The following GPR180 variants were observed in gnomAD, a reference collection of about 807,000 sequenced individuals.
GPR180 encodes the protein integral membrane protein GPR180.
A neutral mutation model predicts 52.6 loss-of-function variants in GPR180; 53 were observed. The ratio of observed to expected loss-of-function variants is 1.01; its 90% confidence interval spans 0.81 to 1.27. The LOEUF is 1.27. GPR180 is among the 50% of genes most tolerant of loss of function. GPR180 has a pLI of 0.00. For missense variants in GPR180, 533 were observed against 527.0 expected (o/e 1.01, Z -0.11); for synonymous variants, 200 against 193.1 (o/e 1.04, Z -0.30).
rs1810978180 is a variant in GPR180, at chr13:94,619,289, A to G, written c.645A>G (p.Leu215=). 5.0e-6 allele frequency: 8 copies of G among 1,614,044 alleles called. No individual in the cohort carries two copies. The highest frequency in any genetic ancestry group is 1.3e-5 in the African/African-American group (1 of 74,936). ...AGGTTCTGACAACTGCATTGCTGTT[A>G]CAAGCTGGTTCAGCTTTAGCTAATT... ...ILKVLTTALL[L]QAGSALANYI... Residue 215 remains leucine, a synonymous_variant, in exon 4 of 9, where the codon TTA becomes TTG. Transcript: ENST00000376958.
In GPR180 at chr13:94,619,069, T is replaced by C. The variant is rs1008065086; in HGVS notation, c.506-81T>C. 8.4e-6 allele frequency: 9 copies of C among 1,070,852 alleles called. No individual in the cohort carries two copies. The Admixed American group carries it at 1.2e-4, about 14-fold the overall frequency. The allele number at this position is 1,070,852 out of a possible 1,614,324, so 66.3% of individuals were successfully genotyped here. A position where few individuals can be genotyped will look rare whatever the true frequency, so the allele number is the denominator to read the frequency against. ...TTAAAAAACAAGTTCTAGAAATATA[T>C]TGACAGGGAGATTTGAAAGCAGCCC... On this transcript the variant is annotated intron_variant, in intron 3 of 8. Transcript: ENST00000376958.
chr13:94,615,079 T>A, intron 3 of GPR180, among the ~76,000 whole-genome samples: 1 of 152,194 alleles, frequency 6.6e-6, no homozygotes. Flanking sequence ...ATTCAGATAT[T>A]CACACCCAGA....
At chr13:94,619,822 A>C (rs1011599193) in intron 5 of GPR180, among the ~76,000 whole-genome samples, 25 of 152,154 alleles carry the variant, frequency 1.6e-4, no homozygotes, top group African/African-American at 5.6e-4. Flanking sequence ...GGCTCAGGTG[A>C]TCCTCCTGCC....
At position 94,628,763 on chromosome 13, in the gene GPR180, A is replaced by G. The variant is rs545806315; in HGVS notation, c.*1592A>G. 6.6e-6 allele frequency: 1 copy of G among 152,212 alleles called. No individual in the cohort carries two copies. Among genetic ancestry groups the G allele is most frequent in the African/African-American group, 2.4e-5 (1 of 41,576 alleles). The allele number at this position is 152,212 out of a possible 1,614,324, so 9.4% of individuals were successfully genotyped here. A position where few individuals can be genotyped will look rare whatever the true frequency, so the allele number is the denominator to read the frequency against. ...CTGAGTTATGTTTTAGGTATACATG[A>G]TCGTCTGAGTGGTCATAACCTTTTC... On this transcript the variant is annotated 3_prime_UTR_variant, in exon 9 of 9. Coordinates refer to ENST00000376958, the MANE Select transcript of GPR180 (RefSeq NM_180989.6).
At chr13:94,617,612 T>TC (rs1201149305) in intron 3 of GPR180, among the ~76,000 whole-genome samples, 1 of 152,178 alleles carries the variant, frequency 6.6e-6, no homozygotes, top group Admixed American at 6.5e-5. Context: ...GCTGCTTTTT[T>TC]CCCCCTAACG....
rs1207674261 is a variant in GPR180 at position 94,623,151 on chromosome 13, C to A, written c.937C>A (p.His313Asn). ...GGAACAGTTTGAAGATATCAGTCAT[C>A]ATAGCTACCATTCACACCACAACTT... ...LWEQFEDISHHSYHSHHNLAG... is the reference protein window; with the variant it reads ...LWEQFEDISHNSYHSHHNLAG... Residue 313 changes from histidine to asparagine, a missense_variant, in exon 7 of 9, where the codon CAT (histidine) becomes AAT (asparagine). His to Asn is a moderately conservative substitution (Grantham distance 68). Transcript: ENST00000376958. The A allele has an allele frequency of 2.5e-6, 4 of 1,613,760 alleles. No individual in the cohort carries two copies. The Admixed American group carries it at 6.7e-5, about 27-fold the overall frequency.
intron 3 of GPR180, among the ~76,000 whole-genome samples, chr13:94,614,670 CCTT>C (rs1213525048): frequency 6.6e-6 from 1 of 152,134 alleles, no homozygotes; most frequent in African/African-American, 2.4e-5. Context: ...AGTTTTGTCT[CCTT>C]CTGACCTACC....
At chr13:94,619,726 T>G (rs1326001106) in intron 5 of GPR180, among the ~76,000 whole-genome samples, 1 of 152,166 alleles carries the variant, frequency 6.6e-6, no homozygotes, top group African/African-American at 2.4e-5. Flanking sequence ...TTTTTTTGTT[T>G]GTTTGTTTGA....
intron 2 of GPR180, among the ~76,000 whole-genome samples, chr13:94,611,046 C>T (rs1160718333): frequency 6.6e-6 from 1 of 152,164 alleles, no homozygotes. Flanking sequence ...GTAGTATCTT[C>T]ATTTTACAGA....
chr13:94,627,009 T>G lies in GPR180; in HGVS notation c.1165-4T>G, dbSNP rs762312302. 2 of 1,574,470 alleles carry G rather than the reference T, an allele frequency of 1.3e-6. No homozygotes were observed. The highest frequency in any genetic ancestry group is 2.7e-5 in the African/African-American group (2 of 72,922). On this transcript the variant is annotated splice_region_variant and splice_polypyrimidine_tract_variant and intron_variant, in intron 8 of 8. Coordinates refer to ENST00000376958, the MANE Select transcript of GPR180 (RefSeq NM_180989.6). ...TAAAAGCATTCCTTTCCTTTTCTTT[T>G]CAGGTTATTACAATAGGTGTTATCC...
chr13:94,623,380 A>G lies in GPR180; in HGVS notation c.1086+80A>G, dbSNP rs564923852. On this transcript the variant is annotated intron_variant, in intron 7 of 8. Coordinates refer to ENST00000376958, the MANE Select transcript of GPR180 (RefSeq NM_180989.6). ...CTTTGGGAAGTTAATAAACAACTAC[A>G]TGCTAACTTTTATTAAACTTCTGGG... is the stretch of plus-strand genomic sequence containing the variant. 118 of 1,112,948 alleles carry G rather than the reference A, an allele frequency of 1.1e-4. 1 individual carries two copies. Among genetic ancestry groups the G allele is most frequent in the Non-Finnish European group, 1.4e-4 (108 of 762,878 alleles). 68.9% of individuals were successfully genotyped at this position (1,112,948 alleles called of 1,614,324 possible). A position where few individuals can be genotyped will look rare whatever the true frequency, so the allele number is the denominator to read the frequency against.
chr13:94,621,199 A>C lies in GPR180; in HGVS notation c.858A>C (p.Ala286=). 6 of 1,608,634 alleles carry C rather than the reference A, an allele frequency of 3.7e-6. No individual in the cohort carries two copies. The highest frequency in any genetic ancestry group is 5.1e-6 in the Non-Finnish European group (6 of 1,178,946). ...CTCTCCAGTGGGATTCTACGCCTGCATCCACTGGCATTGCAGTATTCATTG... is the reference window on the plus strand; with the variant it reads ...CTCTCCAGTGGGATTCTACGCCTGCCTCCACTGGCATTGCAGTATTCATTG... ...SRPLQWDSTP[A]STGIAVFIVM... The change falls in exon 6 of 9, where the codon GCA becomes GCC. Residue 286 remains alanine (A), a synonymous_variant. Coordinates refer to ENST00000376958, the MANE Select transcript of GPR180 (RefSeq NM_180989.6).
chr13:94,609,512 A>G (rs926553250), intron 2 of GPR180, among the ~76,000 whole-genome samples: 3 of 152,192 alleles, frequency 2.0e-5, no homozygotes, highest in African/African-American at 4.8e-5. Flanking sequence ...TCAAAAATAT[A>G]TTGGTAAAAG....
At chr13:94,609,651 G>A (rs1889678613) in intron 2 of GPR180, among the ~76,000 whole-genome samples, 1 of 151,878 alleles carries the variant, frequency 6.6e-6, no homozygotes, top group Non-Finnish European at 1.5e-5. Flanking sequence ...AGTCTTATTT[G>A]TGAATCATTT....
chr13:94,626,984 T>C (rs770664206), intron 8 of GPR180, 29 bp from the exon 9 acceptor site: 17 of 1,527,080 alleles, frequency 1.1e-5, no homozygotes, highest in Admixed American at 6.2e-5. Context: ...CTGCATGTAG[T>C]AAAAGCATTC....
At chr13:94,611,157 A>AC (rs1281720445) in intron 2 of GPR180, among the ~76,000 whole-genome samples, 3 of 151,806 alleles carry the variant, frequency 2.0e-5, no homozygotes, top group Non-Finnish European at 4.4e-5. Flanking sequence ...GATGCCACAC[A>AC]CCCCCCACCC....
At chr13:94,607,057 T>G (rs1399213018) in intron 2 of GPR180, among the ~76,000 whole-genome samples, 1 of 152,200 alleles carries the variant, frequency 6.6e-6, no homozygotes, top group East Asian at 1.9e-4. Flanking sequence ...CCTGGTCCTC[T>G]TCTGATGTTC....
At chr13:94,618,421 T>TTTTTTTTTTTTTTTTTTTTTTTTC in intron 3 of GPR180, among the ~76,000 whole-genome samples, 1 of 58,334 alleles carries the variant, frequency 1.7e-5, no homozygotes, top group Non-Finnish European at 3.6e-5. Context: ...CAGCACAGGA[T>TTTTTTTTTTTTTTTTTTTTTTTTC]TTTTTTTTTT....
intron 1 of GPR180, 92 bp downstream of exon 1, chr13:94,602,164 C>T (rs867543314): frequency 1.1e-5 from 13 of 1,189,180 alleles, no homozygotes; most frequent in Middle Eastern, 3.1e-4. Context: ...CTCCCTGCCA[C>T]GTTGGGCGAG....
Sources: gnomAD v4.1 joint callset for allele counts (sites outside exome capture counted in the v4.1 genomes callset) on GRCh38, gnomAD v4.1.1 for gene constraint, MANE v1.5 for transcripts, NCBI Gene and HGNC (gene_info 2026-07-23, HGNC 2026-07-21) for gene names.